The following CDH23 variants were observed in gnomAD, a reference collection of about 807,000 sequenced individuals.
The protein encoded by CDH23 is cadherin related 23.
Under a neutral mutation model 317.1 loss-of-function variants are expected in CDH23, and 189 were observed. The observed-to-expected ratio is 0.60, with a 90% CI of 0.53 to 0.67. CDH23 has a LOEUF of 0.67. Among genes scored for constraint, CDH23 ranks in the 30% least tolerant of loss-of-function variants. The pLI is 0.00. For synonymous variants in CDH23, 1,839 were observed against 1,876.8 expected, an observed-to-expected ratio of 0.98 and a Z score of 0.52; for missense variants, 4,401 against 4,592.4, an observed-to-expected ratio of 0.96 and a Z score of 1.20.
chr10:71,737,817 A>G, intron 34 of CDH23: 1 of 467,268 alleles, frequency 2.1e-6, no homozygotes. Flanking sequence ...CTCCACAAGA[A>G]GCCCGAGCCA....
intron 6 of CDH23, among the ~76,000 whole-genome samples, chr10:71,515,390 TCTCTCA>T (rs779628810): frequency 0.25 from 14,225 of 57,650 alleles, 650 homozygotes; most frequent in Non-Finnish European, 0.27. Flanking sequence ...TCTCTCTCTC[TCTCTCA>T]CACACACACA....
At chr10:71,421,273 G>T (rs1189470048) in intron 1 of CDH23, among the ~76,000 whole-genome samples, 1 of 152,208 alleles carries the variant, frequency 6.6e-6, no homozygotes, top group East Asian at 1.9e-4. Context: ...TCCCTGCCCA[G>T]CCCTCTGCCT....
chr10:71,633,733 G>A (rs61851979), intron 11 of CDH23, among the ~76,000 whole-genome samples: 13,921 of 152,190 alleles, frequency 0.091, 827 homozygotes, highest in Non-Finnish European at 0.13. Flanking sequence ...CTCCTATGAC[G>A]GTGGGATCCC....
chr10:71,678,669 G>A (rs183836688), intron 16 of CDH23, among the ~76,000 whole-genome samples: 15 of 152,194 alleles, frequency 9.9e-5, no homozygotes, highest in African/African-American at 2.7e-4. Flanking sequence ...AGGTGTACCC[G>A]GAGTGGTGGG....
chr10:71,703,404 A>C (rs1375135530), intron 24 of CDH23, among the ~76,000 whole-genome samples: 1 of 152,218 alleles, frequency 6.6e-6, no homozygotes, highest in Non-Finnish European at 1.5e-5. Context: ...ACTTGGAGCA[A>C]ACTGCTTAAC....
rs116624130 is a variant in CDH23, at chr10:71,510,140, C to T, written c.204C>T (p.Gly68=). The T allele has an allele frequency of 3.2e-3, 5,180 of 1,613,982 alleles. 83 individuals are homozygous for T. The African/African-American group carries it at 0.041, about 13-fold the overall frequency. Residue 68 remains glycine (G), a synonymous_variant, in exon 4 of 70, where the codon GGC becomes GGT. Transcript: ENST00000224721. ...TGGACAATGACCCCCTGGTGTTTGG[C>T]GTGTCTGGGGAGGAGGCCTCTCGCT... The part of the protein sequence containing the change: ...QDMDNDPLVF[G]VSGEEASRFF...
chr10:71,471,936 T>C (rs995829248), intron 3 of CDH23, among the ~76,000 whole-genome samples: 1 of 152,068 alleles, frequency 6.6e-6, no homozygotes, highest in African/African-American at 2.4e-5. Context: ...CCCCAATAGG[T>C]GGTAATTGCT....
chr10:71,593,812 G>A (rs10999907), intron 9 of CDH23, among the ~76,000 whole-genome samples: 41,285 of 152,146 alleles, frequency 0.27, 6,760 homozygotes, highest in Non-Finnish European at 0.39. Context: ...TGCAAGCTGA[G>A]AATGGGTTTT....
At chr10:71,443,900 G>A (rs942194450) in intron 2 of CDH23, among the ~76,000 whole-genome samples, 3 of 152,378 alleles carry the variant, frequency 2.0e-5, no homozygotes, top group East Asian at 1.9e-4. Context: ...TGTGGCAGGC[G>A]ACCCACGTCC....
At chr10:71,650,153 T>C (rs567930118) in intron 14 of CDH23, among the ~76,000 whole-genome samples, 4 of 152,326 alleles carry the variant, frequency 2.6e-5, no homozygotes, top group African/African-American at 9.6e-5. Context: ...CGCTCAAGAC[T>C]TTTAGGGCCT....
chr10:71,740,283 C>T (rs1289787590), intron 36 of CDH23, among the ~76,000 whole-genome samples: 1 of 152,240 alleles, frequency 6.6e-6, no homozygotes, highest in African/African-American at 2.4e-5. Context: ...CAGGACTGCG[C>T]TTCTGCAGAG....
Position 71,815,246 on chromosome 10 carries a change from A to G in CDH23, c.10033A>G (p.Met3345Val), listed in dbSNP as rs368597074. 4.4e-6 allele frequency: 7 copies of G among 1,588,196 alleles called. No homozygotes were observed. Among genetic ancestry groups the G allele is most frequent in the Non-Finnish European group, 6.0e-6 (7 of 1,162,632 alleles). The stretch of plus-strand genomic sequence containing the variant: ...CCTGCACAAACTTCGCGACGTGATC[A>G]TGGAGACCCCCCTGGAGATCACAGA... ...TPLHKLRDVIMETPLEITEL is the reference protein window; with the variant it reads ...TPLHKLRDVIVETPLEITEL Residue 3345 changes from methionine (M) to valine (V), a missense_variant, in exon 70 of 70, where the codon ATG (methionine) becomes GTG (valine). Met to Val is a conservative substitution (Grantham distance 21, BLOSUM62 1). This residue lies in a region of CDH23 where 1,144 missense variants were observed against 1,138.2 expected (regional missense o/e 1.01). Coordinates refer to ENST00000224721, the MANE Select transcript of CDH23 (RefSeq NM_022124.6).
intron 18 of CDH23, among the ~76,000 whole-genome samples, chr10:71,684,692 CA>C (rs1864802409): frequency 6.6e-6 from 1 of 152,232 alleles, no homozygotes; most frequent in Admixed American, 6.5e-5. Flanking sequence ...CCATGCATAG[CA>C]GCAGCCGCAC....
rs551628332 is a variant in CDH23, at chr10:71,584,484, G to A, written c.832+6492G>A. Among the ~76,000 whole-genome samples, 22 of 151,772 alleles carry A rather than the reference G, an allele frequency of 1.4e-4. No individual in the cohort carries two copies. The East Asian group carries it at 2.9e-3, about 20-fold the overall frequency. On this transcript the variant is annotated intron_variant, in intron 9 of 69. Coordinates refer to ENST00000224721, the MANE Select transcript of CDH23 (RefSeq NM_022124.6). ...TGCTACCCAAGTGAGGAGGTACATT[G>A]AGTGCTTTAAAATATACTGAAATAC...
intron 6 of CDH23, among the ~76,000 whole-genome samples, chr10:71,523,996 C>T (rs1197379021): frequency 4.6e-5 from 7 of 152,222 alleles, no homozygotes; most frequent in Admixed American, 2.6e-4. Context: ...TCACCCTCCC[C>T]GTTTTTCATG....
At chr10:71,781,636 C>T (rs1247100181) in intron 41 of CDH23, among the ~76,000 whole-genome samples, 7 of 152,196 alleles carry the variant, frequency 4.6e-5, no homozygotes, top group Non-Finnish European at 1.0e-4. Flanking sequence ...TCAATCCACA[C>T]GTGATTGGGA....
intron 1 of CDH23, among the ~76,000 whole-genome samples, chr10:71,410,839 T>G (rs1848315940): frequency 6.6e-6 from 1 of 152,228 alleles, no homozygotes; most frequent in Non-Finnish European, 1.5e-5. Context: ...CTGTGTAGTA[T>G]TCCATGTTGT....
intron 7 of CDH23, among the ~76,000 whole-genome samples, chr10:71,567,527 T>C (rs1441541077): frequency 1.3e-5 from 2 of 152,216 alleles, no homozygotes; most frequent in African/African-American, 4.8e-5. Context: ...AATTATCCCA[T>C]CTGATGGCTG....
intron 6 of CDH23, among the ~76,000 whole-genome samples, chr10:71,535,346 C>T (rs1855637844): frequency 1.3e-5 from 2 of 152,050 alleles, no homozygotes; most frequent in South Asian, 4.2e-4. Flanking sequence ...TCACACAGGG[C>T]GTGGCCCCTC....
Sources: gnomAD v4.1 joint callset for allele counts (sites outside exome capture counted in the v4.1 genomes callset) on GRCh38, gnomAD v4.1.1 for gene constraint, gnomAD v4.1.1 regional missense constraint, MANE v1.5 for transcripts, NCBI Gene and HGNC (gene_info 2026-07-23, HGNC 2026-07-21) for gene names.